Variants in PDE4D observed in about 807,000 individuals in gnomAD.
PDE4D encodes the protein 3',5'-cyclic-AMP phosphodiesterase 4D.
PDE4D carries 24 observed loss-of-function variants against 87.4 expected under a neutral mutation model. The ratio of observed to expected loss-of-function variants is 0.27; its 90% CI spans 0.20 to 0.39. PDE4D has a LOEUF of 0.39. PDE4D is among the 10% of genes least tolerant of loss of function. The pLI is 1.00. For synonymous variants in PDE4D, 384 were observed against 383.2 expected, an observed-to-expected ratio of 1.00 and a Z score of -0.02; for missense variants, 714 against 1,041.0, an observed-to-expected ratio of 0.69 and a Z score of 4.32.
intron 1 of PDE4D, among the ~76,000 whole-genome samples, chr5:59,823,330 C>T (rs936037851): frequency 1.3e-5 from 2 of 152,134 alleles, no homozygotes; most frequent in Admixed American, 1.3e-4. Flanking sequence ...TGATTTCCTG[C>T]TTATAATGCA....
chr5:59,333,150 AT>A (rs1206509229), intron 1 of PDE4D, among the ~76,000 whole-genome samples: 3 of 152,190 alleles, frequency 2.0e-5, no homozygotes, highest in African/African-American at 4.8e-5. Flanking sequence ...ATACTCTATA[AT>A]CAAAATCCAG....
intron 1 of PDE4D, among the ~76,000 whole-genome samples, chr5:60,240,043 G>A (rs1383734300): frequency 6.6e-6 from 1 of 152,006 alleles, no homozygotes; most frequent in South Asian, 2.1e-4. Context: ...AATGTTTCCA[G>A]TGGTTTCCTT....
At chr5:60,091,967 C>T (rs1775169319) in intron 2 of PDE4D, among the ~76,000 whole-genome samples, 2 of 137,708 alleles carry the variant, frequency 1.5e-5, no homozygotes, top group South Asian at 2.4e-4. Flanking sequence ...AGGAGAATGG[C>T]GTGAACCCGG....
chr5:59,483,509 CT>C, intron 1 of PDE4D, among the ~76,000 whole-genome samples: 1 of 152,214 alleles, frequency 6.6e-6, no homozygotes, highest in African/African-American at 2.4e-5. Flanking sequence ...ATTTTTAACT[CT>C]TTTTTTCTTA....
chr5:59,188,574 G>A (rs369927478), intron 3 of PDE4D, among the ~76,000 whole-genome samples: 1 of 152,032 alleles, frequency 6.6e-6, no homozygotes, highest in African/African-American at 2.4e-5. Context: ...GAAAATAAAT[G>A]GTTTCGAGGA....
chr5:60,079,839 G>A (rs1308813335), intron 2 of PDE4D, among the ~76,000 whole-genome samples: 1 of 151,982 alleles, frequency 6.6e-6, no homozygotes, highest in African/African-American at 2.4e-5. Flanking sequence ...TTTTTGCTTG[G>A]GATTGTTTTG....
At chr5:60,352,454 C>G (rs1759286012) in intron 1 of PDE4D, among the ~76,000 whole-genome samples, 2 of 152,186 alleles carry the variant, frequency 1.3e-5, no homozygotes, top group Admixed American at 1.3e-4. Context: ...TGAGGTAAGA[C>G]CAAGAGCGAA....
chr5:59,820,687 T>C (rs570392230), intron 1 of PDE4D, among the ~76,000 whole-genome samples: 2 of 152,312 alleles, frequency 1.3e-5, no homozygotes, highest in South Asian at 4.1e-4. Flanking sequence ...GCAGTTGTTT[T>C]GCAAAAAAAT....
chr5:59,552,547 C>T (rs576198173), intron 1 of PDE4D, among the ~76,000 whole-genome samples: 52 of 152,174 alleles, frequency 3.4e-4, no homozygotes, highest in African/African-American at 4.6e-4. Context: ...TTAATAGAAA[C>T]GACTCACACT....
intron 1 of PDE4D, among the ~76,000 whole-genome samples, chr5:60,199,354 G>A (rs1327644392): frequency 2.0e-5 from 3 of 151,762 alleles, no homozygotes; most frequent in African/African-American, 7.2e-5. Flanking sequence ...ACTGGAGCCT[G>A]TGCTGAATCA....
chr5:59,857,985 T>TGAAG (rs754706328), intron 1 of PDE4D, among the ~76,000 whole-genome samples: 20 of 95,402 alleles, frequency 2.1e-4, no homozygotes, highest in East Asian at 9.9e-4. Context: ...GAAGGAGAGA[T>TGAAG]GAAGGAAGGA....
intron 1 of PDE4D, among the ~76,000 whole-genome samples, chr5:59,236,835 A>G (rs1756552873): frequency 6.6e-6 from 1 of 152,118 alleles, no homozygotes; most frequent in Non-Finnish European, 1.5e-5. Context: ...GGCAGGAAGA[A>G]AGGAAGAAGG....
intron 1 of PDE4D, among the ~76,000 whole-genome samples, chr5:59,522,315 T>C (rs1437479090): frequency 6.6e-6 from 1 of 152,240 alleles, no homozygotes; most frequent in Admixed American, 6.5e-5. Flanking sequence ...TTATGAATCA[T>C]GGTAAATACC....
chr5:60,456,652 T>C (rs2150161593), intron 1 of PDE4D, among the ~76,000 whole-genome samples: 1 of 152,310 alleles, frequency 6.6e-6, no homozygotes, highest in African/African-American at 2.4e-5. Context: ...AGAGAACCTT[T>C]ACTCTCAGTG....
chr5:59,136,537 A>G (rs1392898854), intron 5 of PDE4D, among the ~76,000 whole-genome samples: 1 of 152,218 alleles, frequency 6.6e-6, no homozygotes, highest in Non-Finnish European at 1.5e-5. Flanking sequence ...ATGCAATACT[A>G]TGTGTCAAAT....
In PDE4D at chr5:59,821,164, C is replaced by T. The variant is rs574580091; in HGVS notation, c.455+72004G>A. Reference sequence around the variant, plus strand: ...AGGAGAATCACTTGAACCCAGGAGGCGGAGATTGCAGTGAGCATTGATCGT... The same window carrying T: ...AGGAGAATCACTTGAACCCAGGAGGTGGAGATTGCAGTGAGCATTGATCGT... On this transcript the variant is annotated intron_variant, in intron 1 of 14. Coordinates refer to ENST00000340635, the MANE Select transcript of PDE4D (RefSeq NM_001104631.2). 1.8e-3 allele frequency among the ~76,000 whole-genome samples: 281 copies of T among 151,992 alleles called. 3 individuals are homozygous for T. The highest frequency in any genetic ancestry group is 8.5e-3 in the South Asian group (41 of 4,808).
At chr5:60,026,761 T>G (rs1335937166) in intron 2 of PDE4D, among the ~76,000 whole-genome samples, 1 of 152,212 alleles carries the variant, frequency 6.6e-6, no homozygotes, top group African/African-American at 2.4e-5. Context: ...TCGTTTAATC[T>G]TCTTGCTGAA....
At chr5:60,217,655 A>T (rs2149588612) in intron 1 of PDE4D, among the ~76,000 whole-genome samples, 2 of 152,106 alleles carry the variant, frequency 1.3e-5, no homozygotes, top group South Asian at 4.1e-4. Flanking sequence ...ATACTTGTTA[A>T]TTTGATTTTT....
intron 1 of PDE4D, among the ~76,000 whole-genome samples, chr5:59,784,871 T>G (rs968871941): frequency 8.5e-5 from 13 of 152,252 alleles, no homozygotes; most frequent in African/African-American, 3.1e-4. Context: ...TCTCACAAGA[T>G]CTGATGGCTT....
Sources: gnomAD v4.1 joint callset for allele counts (sites outside exome capture counted in the v4.1 genomes callset) on GRCh38, gnomAD v4.1.1 for gene constraint, MANE v1.5 for transcripts, NCBI Gene and HGNC (gene_info 2026-07-23, HGNC 2026-07-21) for gene names.